Variants in ANKFN1 observed in about 807,000 individuals in gnomAD.
ANKFN1 encodes the protein ankyrin repeat and fibronectin type III domain containing 1, also known as ankyrin repeat and fibronectin type-III domain-containing protein 1.
ANKFN1 carries 74 observed loss-of-function variants against 108.7 expected under a neutral mutation model. That is an observed-to-expected ratio of 0.68 (90% CI 0.56 to 0.83). ANKFN1 has a LOEUF of 0.83. ANKFN1 is among the 40% of genes least tolerant of loss of function. The pLI is 0.00. For synonymous variants in ANKFN1, 547 were observed against 516.2 expected (o/e 1.06, Z -0.81); for missense variants, 1,505 against 1,382.3 (o/e 1.09, Z -1.41).
intron 1 of ANKFN1, among the ~76,000 whole-genome samples, chr17:56,187,528 T>C (rs1377630811): frequency 6.6e-6 from 1 of 152,210 alleles, no homozygotes; most frequent in Non-Finnish European, 1.5e-5. Flanking sequence ...GACAGTGTGG[T>C]GATTCCTCAA....
chr17:56,256,857 C>G (rs2043371951), intron 3 of ANKFN1, among the ~76,000 whole-genome samples: 2 of 152,172 alleles, frequency 1.3e-5, no homozygotes. Context: ...ATACTACTAT[C>G]CCCTGATATT....
At chr17:56,408,990 T>C (rs1401419414) in intron 8 of ANKFN1, among the ~76,000 whole-genome samples, 7 of 151,302 alleles carry the variant, frequency 4.6e-5, no homozygotes, top group African/African-American at 1.7e-4. Context: ...AATGGCGCAA[T>C]CTCAGCTCAC....
chr17:56,170,690 G>A (rs1910572758), intron 1 of ANKFN1, among the ~76,000 whole-genome samples: 1 of 149,978 alleles, frequency 6.7e-6, no homozygotes, highest in East Asian at 2.0e-4. Context: ...TTGAACCTGG[G>A]AGGCCGAGGT....
chr17:56,457,144 C>T (rs1301938345), intron 12 of ANKFN1, 113 bp from the exon 13 acceptor site: 1 of 1,185,342 alleles, frequency 8.4e-7, no homozygotes, highest in Non-Finnish European at 1.2e-6. Context: ...ACTTATGATA[C>T]TTAGCAGGAA....
chr17:56,477,084 A>G (rs1408388112), intron 15 of ANKFN1, among the ~76,000 whole-genome samples: 1 of 152,186 alleles, frequency 6.6e-6, no homozygotes, highest in Non-Finnish European at 1.5e-5. Flanking sequence ...CGCTTCCTTA[A>G]CTGTGCTGTC....
chr17:56,202,830 G>T (rs1914175421), intron 1 of ANKFN1, among the ~76,000 whole-genome samples: 1 of 152,108 alleles, frequency 6.6e-6, no homozygotes, highest in African/African-American at 2.4e-5. Flanking sequence ...TGATGCGAAA[G>T]AATGCTCATT....
At chr17:56,198,395 G>A (rs905324070) in intron 1 of ANKFN1, among the ~76,000 whole-genome samples, 11 of 152,106 alleles carry the variant, frequency 7.2e-5, no homozygotes, top group Admixed American at 4.6e-4. Flanking sequence ...ATCTAATGCC[G>A]CTGCTGATGT....
intron 4 of ANKFN1, among the ~76,000 whole-genome samples, chr17:56,146,437 C>T (rs1908265730): frequency 1.3e-5 from 2 of 152,226 alleles, no homozygotes; most frequent in South Asian, 2.1e-4. Context: ...GGTGGAGGTT[C>T]TCCATGAAGG....
intron 8 of ANKFN1, among the ~76,000 whole-genome samples, chr17:56,423,270 A>G (rs2215760): frequency 0.67 from 102,187 of 151,966 alleles, 34,926 homozygotes; most frequent in East Asian, 0.96. Flanking sequence ...CGTTGGGTCA[A>G]CAGGAATTGA....
intron 4 of ANKFN1, among the ~76,000 whole-genome samples, chr17:56,337,721 C>T (rs1044457339): frequency 2.0e-5 from 3 of 152,198 alleles, no homozygotes; most frequent in Admixed American, 6.5e-5. Context: ...CATCACTGGT[C>T]ATCAGAGAAA....
intron 1 of ANKFN1, among the ~76,000 whole-genome samples, chr17:56,185,572 G>A (rs970595570): frequency 1.1e-4 from 16 of 152,138 alleles, no homozygotes; most frequent in Non-Finnish European, 2.1e-4. Context: ...AGGACAGTGG[G>A]ACCTATAAAA....
intron 15 of ANKFN1, 70 bp from the exon 16 acceptor site, chr17:56,477,418 G>C: frequency 7.1e-7 from 1 of 1,410,398 alleles, no homozygotes; most frequent in Non-Finnish European, 9.3e-7. Flanking sequence ...CCTTAGAAAG[G>C]AAAAGGTTTT....
intron 2 of ANKFN1, among the ~76,000 whole-genome samples, chr17:56,221,049 G>C (rs1170500295): frequency 6.6e-6 from 1 of 152,188 alleles, no homozygotes; most frequent in Non-Finnish European, 1.5e-5. Context: ...CTTCTGGAGA[G>C]ACCTAAGGAA....
At chr17:56,058,492 T>A (rs1029034782) in intron 4 of ANKFN1, among the ~76,000 whole-genome samples, 1 of 152,224 alleles carries the variant, frequency 6.6e-6, no homozygotes, top group Non-Finnish European at 1.5e-5. Context: ...AGTTCCAGGA[T>A]ACATGTGCAG....
chr17:56,356,156 G>A (rs1458653502), intron 6 of ANKFN1, among the ~76,000 whole-genome samples: 2 of 152,114 alleles, frequency 1.3e-5, no homozygotes, highest in Non-Finnish European at 2.9e-5. Context: ...CCAGGAGTGG[G>A]TGGGATAATA....
chr17:56,102,417 T>C (rs1271607057), intron 4 of ANKFN1, among the ~76,000 whole-genome samples: 1 of 152,240 alleles, frequency 6.6e-6, no homozygotes, highest in Non-Finnish European at 1.5e-5. Context: ...TTATGTTCCC[T>C]ACATTCTGTT....
At chr17:56,380,661 G>A (rs953726276) in intron 8 of ANKFN1, among the ~76,000 whole-genome samples, 20 of 152,344 alleles carry the variant, frequency 1.3e-4, no homozygotes, top group African/African-American at 4.8e-4. Flanking sequence ...AGGGTCCTAC[G>A]CCCACGGAGT....
chr17:56,069,995 T>C (rs1263172414), intron 4 of ANKFN1, among the ~76,000 whole-genome samples: 2 of 152,202 alleles, frequency 1.3e-5, no homozygotes, highest in African/African-American at 2.4e-5. Context: ...GGGAGTATAG[T>C]AGTGAGGACA....
At chr17:56,451,621 T>G (rs895013347) in intron 11 of ANKFN1, among the ~76,000 whole-genome samples, 2 of 152,208 alleles carry the variant, frequency 1.3e-5, no homozygotes, top group Non-Finnish European at 2.9e-5. Flanking sequence ...ATTTCGCCTC[T>G]CTGATCCACA....
Sources: gnomAD v4.1 joint callset for allele counts (sites outside exome capture counted in the v4.1 genomes callset) on GRCh38, gnomAD v4.1.1 for gene constraint, MANE v1.5 for transcripts, NCBI Gene and HGNC (gene_info 2026-07-23, HGNC 2026-07-21) for gene names.